CAP2: variants seen among roughly 807,000 people sequenced by gnomAD.
CAP2 encodes the protein adenylyl cyclase-associated protein 2.
In CAP2, 24 loss-of-function variants were observed where a neutral mutation model predicts 57.7. That is an observed-to-expected ratio of 0.42 (90% CI 0.30 to 0.58). CAP2 has a LOEUF of 0.58. CAP2 is among the 20% of genes least tolerant of loss of function. The pLI is 0.22. For missense variants in CAP2, 501 were observed against 590.3 expected (o/e 0.85, Z 1.57); for synonymous variants, 194 against 207.2 (o/e 0.94, Z 0.55).
chr6:17,547,603 A>T (rs567753983), intron 11 of CAP2, among the ~76,000 whole-genome samples: 1 of 152,186 alleles, frequency 6.6e-6, no homozygotes, highest in Non-Finnish European at 1.5e-5. Context: ...GCATTTTGGG[A>T]GGCCAAGGTG....
chr6:17,489,707 G>C (rs1275757021), intron 4 of CAP2, among the ~76,000 whole-genome samples: 1 of 151,860 alleles, frequency 6.6e-6, no homozygotes, highest in East Asian at 1.9e-4. Flanking sequence ...TTACTACCTA[G>C]GGTTTTGCAT....
At chr6:17,400,814 G>A (rs576390401) in intron 1 of CAP2, among the ~76,000 whole-genome samples, 3 of 150,316 alleles carry the variant, frequency 2.0e-5, no homozygotes, top group South Asian at 2.1e-4. Flanking sequence ...GCAGTGAGCC[G>A]AGATCGCGCC....
chr6:17,398,155 C>T lies in CAP2; in HGVS notation c.-2+4409C>T, dbSNP rs982011103. Among the ~76,000 whole-genome samples, 6 of 152,216 alleles carry T rather than the reference C, an allele frequency of 3.9e-5. No individual in the cohort carries two copies. In the East Asian group the frequency reaches 5.8e-4, roughly 15 times the overall value. ...GCCTTTTAACCCGGTCACTCACGGA[C>T]ATCTTCATCTCCTTATATCACCTGG... On this transcript the variant is annotated intron_variant, in intron 1 of 12. Transcript: ENST00000229922.
intron 3 of CAP2, among the ~76,000 whole-genome samples, chr6:17,460,512 T>C (rs1285307391): frequency 6.6e-6 from 1 of 152,206 alleles, no homozygotes; most frequent in Non-Finnish European, 1.5e-5. Context: ...GGATCAGAGA[T>C]GGAAAAAGTG....
intron 4 of CAP2, among the ~76,000 whole-genome samples, chr6:17,492,531 C>T (rs940082669): frequency 5.3e-5 from 8 of 152,124 alleles, no homozygotes; most frequent in African/African-American, 1.7e-4. Flanking sequence ...TTAGCCTATG[C>T]GTGGCTGAAT....
At chr6:17,520,731 C>A (rs1762371019) in intron 7 of CAP2, among the ~76,000 whole-genome samples, 1 of 152,194 alleles carries the variant, frequency 6.6e-6, no homozygotes, top group East Asian at 1.9e-4. Context: ...AATGTAGACT[C>A]TGTGGCATGT....
At chr6:17,550,625 A>G (rs1010327745) in intron 11 of CAP2, among the ~76,000 whole-genome samples, 2 of 152,056 alleles carry the variant, frequency 1.3e-5, no homozygotes, top group African/African-American at 2.4e-5. Context: ...TACCATGACA[A>G]GAAGGAAAAT....
intron 12 of CAP2, among the ~76,000 whole-genome samples, chr6:17,552,629 CACAA>C (rs903206823): frequency 1.4e-4 from 21 of 152,236 alleles, no homozygotes; most frequent in Non-Finnish European, 2.8e-4. Flanking sequence ...GAGACTCAGT[CACAA>C]ACAAACAAAC....
At chr6:17,401,499 G>A (rs950580755) in intron 1 of CAP2, among the ~76,000 whole-genome samples, 3 of 152,108 alleles carry the variant, frequency 2.0e-5, no homozygotes, top group African/African-American at 2.4e-5. Flanking sequence ...TCTTTCCATC[G>A]AATGTATACT....
rs560014642 is a variant in CAP2 at position 17,417,928 on chromosome 6, C to T, written c.-1-3627C>T. On this transcript the variant is annotated intron_variant, in intron 1 of 12. Transcript: ENST00000229922. ...GGCTCTGACTCATTCCTTACCCTGACCTTGCTGTCTGTATTTGCTTTGACT... is the reference window on the plus strand; with the variant it reads ...GGCTCTGACTCATTCCTTACCCTGATCTTGCTGTCTGTATTTGCTTTGACT... Among the ~76,000 whole-genome samples the T allele has an allele frequency of 5.3e-5, 8 of 152,324 alleles. No individual in the cohort carries two copies. The South Asian group carries it at 1.7e-3, about 32-fold the overall frequency.
intron 2 of CAP2, among the ~76,000 whole-genome samples, chr6:17,424,687 A>G (rs976385720): frequency 2.6e-5 from 4 of 152,242 alleles, no homozygotes; most frequent in Admixed American, 1.3e-4. Context: ...TCATGGCCCC[A>G]AATTCTTTGA....
chr6:17,494,317 G>A (rs1159848274), intron 4 of CAP2, among the ~76,000 whole-genome samples: 1 of 152,144 alleles, frequency 6.6e-6, no homozygotes, highest in African/African-American at 2.4e-5. Flanking sequence ...GTCATTTTCT[G>A]TCTGACTTCA....
At chr6:17,398,825 G>A (rs1424230684) in intron 1 of CAP2, among the ~76,000 whole-genome samples, 2 of 151,752 alleles carry the variant, frequency 1.3e-5, no homozygotes, top group Non-Finnish European at 2.9e-5. Flanking sequence ...TGCCCGGTCC[G>A]ATTTTAAACA....
intron 4 of CAP2, among the ~76,000 whole-genome samples, chr6:17,489,002 G>A (rs188018448): frequency 1.6e-3 from 242 of 152,198 alleles, no homozygotes; most frequent in African/African-American, 5.3e-3. Context: ...CTGGCAGGAC[G>A]TCCTACCATT....
intron 4 of CAP2, among the ~76,000 whole-genome samples, chr6:17,490,071 T>C (rs1215680883): frequency 6.6e-6 from 1 of 152,200 alleles, no homozygotes; most frequent in Non-Finnish European, 1.5e-5. Context: ...TTTAATCATC[T>C]GAGCTTAGAA....
intron 2 of CAP2, among the ~76,000 whole-genome samples, chr6:17,425,747 G>A (rs1211224513): frequency 6.6e-6 from 1 of 152,114 alleles, no homozygotes; most frequent in African/African-American, 2.4e-5. Flanking sequence ...TTACTCAGGA[G>A]GATGAAAAAT....
intron 12 of CAP2, among the ~76,000 whole-genome samples, chr6:17,555,290 G>C (rs1275376695): frequency 6.6e-6 from 1 of 152,114 alleles, no homozygotes; most frequent in Non-Finnish European, 1.5e-5. Flanking sequence ...TGCCTCATGG[G>C]TTCAAGTGAT....
At chr6:17,445,097 G>A (rs1329384732) in intron 3 of CAP2, among the ~76,000 whole-genome samples, 1 of 152,054 alleles carries the variant, frequency 6.6e-6, no homozygotes, top group African/African-American at 2.4e-5. Flanking sequence ...CTTACTGTAA[G>A]TATTTTATCT....
Position 17,541,077 on chromosome 6 carries a change from A to G in CAP2, c.931A>G (p.Thr311Ala), listed in dbSNP as rs34620829. Reference protein sequence around the residue: ...SPTKSHTPSPTSPKSYPSQKH... With the variant: ...SPTKSHTPSPASPKSYPSQKH... ...CACCAAAAGTCACACTCCAAGTCCC[A>G]CATCTCCTAAATCTTATCCTTCTCA... Residue 311 changes from threonine to alanine, a missense_variant, in exon 9 of 13, where the codon ACA (threonine) becomes GCA (alanine). Thr to Ala is a moderately conservative substitution (Grantham distance 58, BLOSUM62 0). Coordinates refer to ENST00000229922, the MANE Select transcript of CAP2 (RefSeq NM_006366.3). 2.9e-3 allele frequency: 4,759 copies of G among 1,614,140 alleles called. 139 individuals are homozygous for G. The African/African-American group carries it at 0.056, about 19-fold the overall frequency.
Sources: gnomAD v4.1 joint callset for allele counts (sites outside exome capture counted in the v4.1 genomes callset) on GRCh38, gnomAD v4.1.1 for gene constraint, MANE v1.5 for transcripts, NCBI Gene and HGNC (gene_info 2026-07-23, HGNC 2026-07-21) for gene names.